Variants in MOB3B observed in about 807,000 individuals in gnomAD.
MOB3B encodes the protein MOB kinase activator-like 2B.
In MOB3B, 7 loss-of-function variants were observed where a neutral mutation model predicts 18.7. That is an observed-to-expected ratio of 0.37 (90% confidence interval 0.21 to 0.70). The LOEUF (loss-of-function observed/expected upper bound fraction) is 0.70, where lower values mean the gene tolerates loss of function less well. MOB3B is among the 30% of genes least tolerant of loss of function. The pLI is 0.52. For synonymous variants in MOB3B, 111 were observed against 99.9 expected (o/e 1.11, Z -0.66); for missense variants, 253 against 281.3 (o/e 0.90, Z 0.72).
At chr9:27,340,439 T>G (rs1304402577) in intron 3 of MOB3B, among the ~76,000 whole-genome samples, 1 of 152,234 alleles carries the variant, frequency 6.6e-6, no homozygotes, top group Non-Finnish European at 1.5e-5. Flanking sequence ...ATTTTTGAAG[T>G]TCTCTCATTT....
chr9:27,368,660 G>A (rs759395166), intron 2 of MOB3B, among the ~76,000 whole-genome samples: 23 of 152,086 alleles, frequency 1.5e-4, no homozygotes, highest in Admixed American at 1.1e-3. Context: ...CCCTCCCTCT[G>A]CCCCTCCCCA....
In MOB3B at chr9:27,338,325, G is replaced by A. The variant is rs113492497; in HGVS notation, c.622-7709C>T. On this transcript the variant is annotated intron_variant, in intron 3 of 3. Transcript: ENST00000262244. ...GGTGTGGGTGAAGCTTACAAGCCACGTAGGTGGGAGACAGAGCAATTCCCA... is the reference window on the plus strand; with the variant it reads ...GGTGTGGGTGAAGCTTACAAGCCACATAGGTGGGAGACAGAGCAATTCCCA... 1.8e-4 allele frequency among the ~76,000 whole-genome samples: 27 copies of A among 152,218 alleles called. 1 individual carries two copies. Among genetic ancestry groups the A allele is most frequent in the African/African-American group, 2.9e-4 (12 of 41,554 alleles).
At chr9:27,344,970 CT>C (rs1202385302) in intron 3 of MOB3B, among the ~76,000 whole-genome samples, 1 of 152,254 alleles carries the variant, frequency 6.6e-6, no homozygotes. Context: ...GGCGATGACA[CT>C]GGTCGTGTCA....
chr9:27,491,711 A>C (rs2131487584), intron 1 of MOB3B, among the ~76,000 whole-genome samples: 2 of 152,256 alleles, frequency 1.3e-5, no homozygotes, highest in South Asian at 4.1e-4. Flanking sequence ...ATCTCTACTA[A>C]AAATACAAAA....
At chr9:27,502,518 A>G (rs1281707931) in intron 1 of MOB3B, among the ~76,000 whole-genome samples, 2 of 152,228 alleles carry the variant, frequency 1.3e-5, no homozygotes, top group African/African-American at 4.8e-5. Context: ...TTTAAGCACA[A>G]AAACACCCAT....
At chr9:27,479,152 G>C (rs1346828269) in intron 1 of MOB3B, among the ~76,000 whole-genome samples, 1 of 152,080 alleles carries the variant, frequency 6.6e-6, no homozygotes, top group Non-Finnish European at 1.5e-5. Context: ...TTCCTCACAG[G>C]TCTGGAGGCT....
intron 3 of MOB3B, among the ~76,000 whole-genome samples, chr9:27,332,455 T>A (rs1166246943): frequency 5.9e-5 from 9 of 152,200 alleles, no homozygotes; most frequent in Non-Finnish European, 1.3e-4. Context: ...TTGCAATAGG[T>A]CTGTACTTTT....
At chr9:27,450,642 G>T (rs903260379) in intron 2 of MOB3B, among the ~76,000 whole-genome samples, 8 of 152,182 alleles carry the variant, frequency 5.3e-5, no homozygotes, top group African/African-American at 1.9e-4. Context: ...CCTTTACCAT[G>T]TGAAGGGGAA....
chr9:27,355,608 G>A (rs1232821029), intron 3 of MOB3B, among the ~76,000 whole-genome samples: 1 of 147,272 alleles, frequency 6.8e-6, no homozygotes, highest in African/African-American at 2.5e-5. Context: ...TGCCCAGGCC[G>A]GACTGCAGTG....
At chr9:27,357,149 T>TA (rs1338116205) in intron 3 of MOB3B, among the ~76,000 whole-genome samples, 6 of 44,360 alleles carry the variant, frequency 1.4e-4, no homozygotes, top group Non-Finnish European at 2.4e-4. Context: ...TATATATGTG[T>TA]TTTTTTTTTT....
At chr9:27,416,442 C>G (rs373462694) in intron 2 of MOB3B, among the ~76,000 whole-genome samples, 1 of 151,554 alleles carries the variant, frequency 6.6e-6, no homozygotes, top group African/African-American at 2.4e-5. Flanking sequence ...ATTCCTTTGA[C>G]AACCTGAAAA....
intron 1 of MOB3B, among the ~76,000 whole-genome samples, chr9:27,466,040 G>T (rs920612859): frequency 1.3e-5 from 2 of 152,124 alleles, no homozygotes; most frequent in Admixed American, 1.3e-4. Flanking sequence ...TTATGCAGCC[G>T]ACTTGAATTT....
intron 1 of MOB3B, among the ~76,000 whole-genome samples, chr9:27,490,056 T>C (rs1819792268): frequency 6.6e-6 from 1 of 152,156 alleles, no homozygotes; most frequent in Admixed American, 6.5e-5. Context: ...TTTCAATCCA[T>C]CAACACACTT....
At chr9:27,474,711 G>A (rs1471017738) in intron 1 of MOB3B, among the ~76,000 whole-genome samples, 1 of 152,224 alleles carries the variant, frequency 6.6e-6, no homozygotes, top group Non-Finnish European at 1.5e-5. Context: ...AGGAGCTATA[G>A]CCTCTCCTTC....
chr9:27,522,137 G>A (rs1194439515), intron 1 of MOB3B, among the ~76,000 whole-genome samples: 15 of 150,266 alleles, frequency 1.0e-4, no homozygotes, highest in Non-Finnish European at 3.0e-5. Flanking sequence ...AGCTACTTGT[G>A]AGGCTGAGGC....
intron 2 of MOB3B, among the ~76,000 whole-genome samples, chr9:27,434,437 A>G (rs1822464550): frequency 6.7e-6 from 1 of 149,592 alleles, no homozygotes; most frequent in Non-Finnish European, 1.5e-5. Context: ...GCTCTGTCCT[A>G]GGCCTTTTCT....
chr9:27,465,631 G>A (rs1267352355), intron 1 of MOB3B, among the ~76,000 whole-genome samples: 1 of 152,218 alleles, frequency 6.6e-6, no homozygotes, highest in Non-Finnish European at 1.5e-5. Flanking sequence ...GGTTCTCCAT[G>A]AGGGTCCCGC....
rs184494172 is a variant in MOB3B at position 27,328,886 on chromosome 9, G to A, written c.*1701C>T. The A allele has an allele frequency of 6.5e-6, 1 of 152,690 alleles. No individual in the cohort carries two copies. Among genetic ancestry groups the A allele is most frequent in the African/African-American group, 2.4e-5 (1 of 41,554 alleles). 9.5% of individuals were successfully genotyped at this position (152,690 alleles called of 1,614,324 possible). A position where few individuals can be genotyped will look rare whatever the true frequency, so the allele number is the denominator to read the frequency against. ...CCTCTCAAAGTTACTTAGGAAGGGG[G>A]ACAAAAGTATGTTTATTGTTGACCA... On this transcript the variant is annotated 3_prime_UTR_variant, in exon 4 of 4. Coordinates refer to ENST00000262244, the MANE Select transcript of MOB3B (RefSeq NM_024761.5).
At chr9:27,420,417 G>A (rs921111776) in intron 2 of MOB3B, among the ~76,000 whole-genome samples, 7 of 151,008 alleles carry the variant, frequency 4.6e-5, no homozygotes, top group African/African-American at 1.5e-4. Context: ...ATTGTCCATC[G>A]ATCAACGAGT....
Sources: gnomAD v4.1 joint callset for allele counts (sites outside exome capture counted in the v4.1 genomes callset) on GRCh38, gnomAD v4.1.1 for gene constraint, MANE v1.5 for transcripts, NCBI Gene and HGNC (gene_info 2026-07-23, HGNC 2026-07-21) for gene names.